The following ZNF875 variants were observed in gnomAD, a reference collection of about 807,000 sequenced individuals.
ZNF875 encodes HKR1, GLI-Kruppel zinc finger family member.
Under a neutral mutation model 11.2 loss-of-function variants are expected in ZNF875, and 14 were observed. The ratio of observed to expected loss-of-function variants is 1.26; its 90% CI spans 0.83 to 1.96. The LOEUF (loss-of-function observed/expected upper bound fraction) is 1.96. Ranked by LOEUF, ZNF875 falls within the 30% of genes most tolerant of loss-of-function variation. The pLI is 0.00. For missense variants in ZNF875, 752 were observed against 760.4 expected (o/e 0.99, Z 0.13); for synonymous variants, 301 against 281.1 (o/e 1.07, Z -0.71).
chr19:37,317,442 G>A (rs1251513701), upstream of ZNF875, among the ~76,000 whole-genome samples: 1 of 152,108 alleles, frequency 6.6e-6, no homozygotes, highest in Admixed American at 6.6e-5. Flanking sequence ...CCAAAGTGTT[G>A]GGATTACAAG....
At chr19:37,335,133 C>T (rs1411433408) in intron 1 of ZNF875, 36 bp from the exon 2 acceptor site, 8 of 686,842 alleles carry the variant, frequency 1.2e-5, no homozygotes, top group East Asian at 5.5e-5. Flanking sequence ...AGGGTGTTTC[C>T]ACCTAGGCCA....
intron 2 of ZNF875, among the ~76,000 whole-genome samples, chr19:37,338,540 C>G (rs2034999503): frequency 6.6e-6 from 1 of 152,198 alleles, no homozygotes; most frequent in African/African-American, 2.4e-5. Flanking sequence ...CTCCTTCATT[C>G]TCAGTAGGTC....
At chr19:37,342,281 T>G (rs2035872335) in intron 2 of ZNF875, among the ~76,000 whole-genome samples, 1 of 152,208 alleles carries the variant, frequency 6.6e-6, no homozygotes, top group Non-Finnish European at 1.5e-5. Context: ...TAAAATAATT[T>G]TATTTCCAAG....
upstream of ZNF875, among the ~76,000 whole-genome samples, chr19:37,333,309 C>T (rs916105467): frequency 1.2e-4 from 18 of 144,146 alleles, no homozygotes; most frequent in Admixed American, 1.3e-3. Context: ...TTCTTAAATC[C>T]CAGCCCCATG....
chr19:37,320,489 CTA>C (rs1185510457), intron 1 of ZNF875, among the ~76,000 whole-genome samples: 1 of 152,216 alleles, frequency 6.6e-6, no homozygotes, highest in Non-Finnish European at 1.5e-5. Context: ...GTTACAGACA[CTA>C]TTACTATGTC....
At chr19:37,340,237 C>T (rs995377798) in intron 2 of ZNF875, among the ~76,000 whole-genome samples, 2 of 152,198 alleles carry the variant, frequency 1.3e-5, no homozygotes, top group Non-Finnish European at 2.9e-5. Flanking sequence ...CCGCCTCGGC[C>T]TCCCAAAGTG....
chr19:37,342,175 A>G (rs543707144), intron 2 of ZNF875, among the ~76,000 whole-genome samples: 31 of 152,314 alleles, frequency 2.0e-4, no homozygotes, highest in Admixed American at 5.9e-4. Flanking sequence ...CAGAGGTTCT[A>G]AAGTTTGGGT....
chr19:37,317,177 T>A (rs947065566), upstream of ZNF875: 4 of 118,746 alleles, frequency 3.4e-5, no homozygotes, highest in African/African-American at 1.3e-4. Flanking sequence ...TTTACTAACC[T>A]GGTTTTTTTT....
At chr19:37,322,427 G>A (rs2031651706) in intron 2 of ZNF875, among the ~76,000 whole-genome samples, 1 of 152,182 alleles carries the variant, frequency 6.6e-6, no homozygotes, top group African/African-American at 2.4e-5. Context: ...TCCGTTGTAT[G>A]TAATTTACAG....
intron 1 of ZNF875, among the ~76,000 whole-genome samples, chr19:37,320,121 C>T (rs1242301949): frequency 2.0e-5 from 3 of 152,134 alleles, no homozygotes; most frequent in Non-Finnish European, 2.9e-5. Context: ...GTAATCCACC[C>T]GCCTCGGCCT....
intron 2 of ZNF875, among the ~76,000 whole-genome samples, chr19:37,339,978 A>G (rs1378369949): frequency 6.6e-6 from 1 of 151,456 alleles, no homozygotes. Flanking sequence ...TATTTTATTC[A>G]TTTATTATTA....
intron 4 of ZNF875, among the ~76,000 whole-genome samples, chr19:37,360,674 C>A (rs2039742718): frequency 6.6e-6 from 1 of 151,692 alleles, no homozygotes; most frequent in African/African-American, 2.4e-5. Flanking sequence ...TTCTCTTTCT[C>A]TTCTCTTTCT....
chr19:37,340,019 G>T (rs2035354788), intron 2 of ZNF875, among the ~76,000 whole-genome samples: 2 of 151,140 alleles, frequency 1.3e-5, no homozygotes, highest in Non-Finnish European at 2.9e-5. Context: ...TTTCATTCTT[G>T]TTGCCCAGGC....
At chr19:37,326,475 A>G (rs2032457774) in intron 4 of ZNF875, among the ~76,000 whole-genome samples, 1 of 152,034 alleles carries the variant, frequency 6.6e-6, no homozygotes, top group South Asian at 2.1e-4. Context: ...CAAGGGTCAC[A>G]GTTTTCCTCT....
intron 2 of ZNF875, chr19:37,344,856 G>A (rs1174227921): frequency 1.1e-6 from 1 of 889,400 alleles, no homozygotes; most frequent in African/African-American, 1.6e-5. Context: ...GTGTATGTGT[G>A]TATGTTCTGA....
At chr19:37,331,175 A>G (rs958033593), upstream of ZNF875, among the ~76,000 whole-genome samples, 4 of 113,828 alleles carry the variant, frequency 3.5e-5, no homozygotes, top group African/African-American at 1.3e-4. Context: ...CGACAGAGTG[A>G]GACTCTGTCT....
Position 37,353,083 on chromosome 19 carries a change from A to G in ZNF875, c.256+5211A>G, listed in dbSNP as rs191299733. ...GAGATGGGATTTCACCATGTTGGCCAGGCTGGTCTCGAACTCCTGACCTCA... is the reference window on the plus strand; with the variant it reads ...GAGATGGGATTTCACCATGTTGGCCGGGCTGGTCTCGAACTCCTGACCTCA... On this transcript the variant is annotated intron_variant, in intron 4 of 4. Coordinates refer to ENST00000392153, the MANE Select transcript of ZNF875 (RefSeq NM_001353803.2). 6.1e-4 allele frequency among the ~76,000 whole-genome samples: 93 copies of G among 152,120 alleles called. 1 individual carries two copies. The highest frequency in any genetic ancestry group is 6.0e-3 in the Admixed American group (91 of 15,278).
At chr19:37,329,846 G>C (rs1399164198), upstream of ZNF875, among the ~76,000 whole-genome samples, 1 of 152,110 alleles carries the variant, frequency 6.6e-6, no homozygotes, top group Non-Finnish European at 1.5e-5. Flanking sequence ...TCTCTGGCCA[G>C]CTCAGGCTGG....
chr19:37,322,496 T>C (rs951962477), intron 2 of ZNF875, among the ~76,000 whole-genome samples: 1 of 152,246 alleles, frequency 6.6e-6, no homozygotes, highest in African/African-American at 2.4e-5. Flanking sequence ...TTCTTTGCGC[T>C]TATCCAGTGA....
Sources: gnomAD v4.1 joint callset for allele counts (sites outside exome capture counted in the v4.1 genomes callset) on GRCh38, gnomAD v4.1.1 for gene constraint, MANE v1.5 for transcripts, NCBI Gene and HGNC (gene_info 2026-07-23, HGNC 2026-07-21) for gene names.